SASH1: variants seen among roughly 807,000 people sequenced by gnomAD.
SASH1 encodes SAM and SH3 domain-containing protein 1.
A neutral mutation model predicts 125.2 loss-of-function variants in SASH1; 44 were observed. The observed-to-expected ratio is 0.35, with a 90% CI of 0.28 to 0.45. SASH1 has a LOEUF of 0.45. Among genes scored for constraint, SASH1 ranks in the 20% least tolerant of loss-of-function variants. SASH1 has a pLI of 1.00. For synonymous variants in SASH1, 639 were observed against 649.1 expected (o/e 0.98, Z 0.24); for missense variants, 1,426 against 1,614.5 (o/e 0.88, Z 2.00).
upstream of SASH1, among the ~76,000 whole-genome samples, chr6:148,269,057 G>A (rs966590238): frequency 1.4e-4 from 21 of 152,278 alleles, no homozygotes; most frequent in Middle Eastern, 3.4e-3. Flanking sequence ...TTTTGATAAA[G>A]TGTTTTAATA....
intron 1 of SASH1, among the ~76,000 whole-genome samples, chr6:148,368,510 A>T (rs1402538712): frequency 6.6e-6 from 1 of 152,062 alleles, no homozygotes; most frequent in Non-Finnish European, 1.5e-5. Flanking sequence ...ACCTCAAGTG[A>T]TCCACCTGCC....
the SASH1 span, among the ~76,000 whole-genome samples, chr6:148,210,731 T>G: frequency 6.6e-6 from 1 of 152,170 alleles, no homozygotes; most frequent in Non-Finnish European, 1.5e-5. Flanking sequence ...ACAAAGCCTT[T>G]CAGAGTTAGT....
intron 1 of SASH1, among the ~76,000 whole-genome samples, chr6:148,346,771 A>G (rs1382811221): frequency 6.6e-6 from 1 of 152,220 alleles, no homozygotes; most frequent in Non-Finnish European, 1.5e-5. Context: ...CATCGTGCAA[A>G]TTAAAATCCC....
At chr6:148,328,759 C>T (rs1350761597) in intron 1 of SASH1, among the ~76,000 whole-genome samples, 1 of 152,100 alleles carries the variant, frequency 6.6e-6, no homozygotes, top group Non-Finnish European at 1.5e-5. Flanking sequence ...TTTGATTTAC[C>T]AGTGAATGAT....
chr6:148,311,958 A>AT (rs1476278608), intron 1 of SASH1, among the ~76,000 whole-genome samples: 2 of 152,238 alleles, frequency 1.3e-5, no homozygotes, highest in Non-Finnish European at 1.5e-5. Flanking sequence ...CGGCTCAGCA[A>AT]TAAAAAGCAA....
chr6:148,202,145 C>G, the SASH1 span, among the ~76,000 whole-genome samples: 1 of 151,774 alleles, frequency 6.6e-6, no homozygotes, highest in Non-Finnish European at 1.5e-5. Flanking sequence ...TTTTAATTAT[C>G]TGTTATTTGA....
At chr6:148,506,211 C>T (rs1166526243) in intron 8 of SASH1, among the ~76,000 whole-genome samples, 2 of 152,006 alleles carry the variant, frequency 1.3e-5, no homozygotes, top group East Asian at 2.0e-4. Context: ...TGGTGGCTCA[C>T]GCCTGTAGTC....
chr6:148,208,837 T>C, the SASH1 span, among the ~76,000 whole-genome samples: 1 of 152,210 alleles, frequency 6.6e-6, no homozygotes, highest in East Asian at 1.9e-4. Context: ...ACTGACTGAA[T>C]ACGGTTACTA....
chr6:148,376,953 G>A (rs1396514291), intron 1 of SASH1, among the ~76,000 whole-genome samples: 1 of 151,240 alleles, frequency 6.6e-6, no homozygotes, highest in Non-Finnish European at 1.5e-5. Flanking sequence ...GGCGGATCAC[G>A]AGGTCAGGAG....
intron 4 of SASH1, among the ~76,000 whole-genome samples, chr6:148,449,079 T>TTTTTTTTTTTTTTTTTTTTTC (rs1776959001): frequency 3.3e-5 from 2 of 61,426 alleles, no homozygotes; most frequent in African/African-American, 5.1e-5. Flanking sequence ...ATTTCATTTC[T>TTTTTTTTTTTTTTTTTTTTTC]TTTTTTTTTT....
chr6:148,413,500 G>T (rs915819880), intron 2 of SASH1, among the ~76,000 whole-genome samples: 12 of 152,132 alleles, frequency 7.9e-5, no homozygotes, highest in African/African-American at 2.9e-4. Flanking sequence ...GAAAGATCAG[G>T]AGCTCATCTT....
Position 148,390,152 on chromosome 6 carries a change from A to G in SASH1, c.175A>G (p.Ile59Val), listed in dbSNP as rs1562373758. 3 of 1,613,358 alleles carry G rather than the reference A, an allele frequency of 1.9e-6. No homozygotes were observed. The highest frequency in any genetic ancestry group is 2.5e-6 in the Non-Finnish European group (3 of 1,179,686). ...MGILDGSLGN[I>V]DDLAQQYADY... ...CCTTCAGGACGGTTCACTGGGAAAC[A>G]TCGATGACCTGGCGCAGCAGTATGC... Residue 59 changes from isoleucine (I) to valine (V), a missense_variant, in exon 2 of 20, where the codon ATC becomes GTC. This residue lies in a region of SASH1 where 567 missense variants were observed against 575.6 expected (regional missense o/e 0.99). Transcript: ENST00000367467.
chr6:148,533,195 C>T lies in SASH1; in HGVS notation c.1734+229C>T, dbSNP rs1409383322. On this transcript the variant is annotated intron_variant, in intron 14 of 19. Transcript: ENST00000367467. This position sits in a 1 kb window ranked among gnomAD's most constrained non-coding sequence, Gnocchi z 6.2. ...ATCCCTGGGTTAGCATCACTTCACC[C>T]CTCTGACCTCAGCTTCCCTCTAGAA... Among the ~76,000 whole-genome samples the T allele has an allele frequency of 6.6e-6, 1 of 152,188 alleles. No homozygotes were observed. The highest frequency in any genetic ancestry group is 2.4e-5 in the African/African-American group (1 of 41,442).
At chr6:148,221,147 A>G in the SASH1 span, among the ~76,000 whole-genome samples, 1 of 152,368 alleles carries the variant, frequency 6.6e-6, no homozygotes. Flanking sequence ...ATTGCTTGCT[A>G]AATTTGAAAG....
At chr6:148,530,989 A>G (rs1429569072) in intron 12 of SASH1, among the ~76,000 whole-genome samples, 1 of 152,248 alleles carries the variant, frequency 6.6e-6, no homozygotes, top group Non-Finnish European at 1.5e-5. Flanking sequence ...TGTTTGCTGT[A>G]TATGTGGGTT....
chr6:148,539,738 C>G (rs1475767899), intron 16 of SASH1, among the ~76,000 whole-genome samples: 1 of 152,020 alleles, frequency 6.6e-6, no homozygotes, highest in Non-Finnish European at 1.5e-5. Flanking sequence ...TGTGCTGGCA[C>G]AAGACAAAAG....
intron 1 of SASH1, among the ~76,000 whole-genome samples, chr6:148,333,650 C>CT (rs1167998754): frequency 6.6e-6 from 1 of 152,088 alleles, no homozygotes; most frequent in Non-Finnish European, 1.5e-5. Context: ...CAACCTCTGC[C>CT]TGCCGGGTTT....
chr6:148,286,437 G>A (rs953721390), intron 1 of SASH1, among the ~76,000 whole-genome samples: 1 of 151,898 alleles, frequency 6.6e-6, no homozygotes, highest in Non-Finnish European at 1.5e-5. Flanking sequence ...AGTTTGCCTA[G>A]GGCTGCCATA....
intron 1 of SASH1, among the ~76,000 whole-genome samples, chr6:148,307,718 A>C (rs1415418516): frequency 6.6e-6 from 1 of 152,000 alleles, no homozygotes; most frequent in Non-Finnish European, 1.5e-5. Flanking sequence ...TTGTTGAATT[A>C]GGTTATTAAA....
Sources: gnomAD v4.1 joint callset for allele counts (sites outside exome capture counted in the v4.1 genomes callset) on GRCh38, gnomAD v4.1.1 for gene constraint, gnomAD v4.1.1 regional missense constraint, Gnocchi (gnomAD v3.1) non-coding constraint, MANE v1.5 for transcripts, NCBI Gene and HGNC (gene_info 2026-07-23, HGNC 2026-07-21) for gene names.